The following UNC13C variants were observed in gnomAD, a reference collection of about 807,000 sequenced individuals.
UNC13C encodes the protein protein unc-13 homolog C.
UNC13C carries 174 observed loss-of-function variants against 245.4 expected under a neutral mutation model. That is an observed-to-expected ratio of 0.71 (90% CI 0.63 to 0.80). UNC13C has a LOEUF of 0.80. UNC13C is among the 30% of genes least tolerant of loss of function. The probability of loss-of-function intolerance (pLI) is 0.00; values close to 1 mark genes in which losing one functional copy is unlikely to be tolerated. For missense variants in UNC13C, 2,829 were observed against 2,602.9 expected (o/e 1.09, Z -1.89); for synonymous variants, 992 against 895.1 (o/e 1.11, Z -1.93).
chr15:54,011,617 G>T (rs1396861842), intron 1 of UNC13C, among the ~76,000 whole-genome samples: 1 of 152,176 alleles, frequency 6.6e-6, no homozygotes, highest in African/African-American at 2.4e-5. Context: ...GTAGAAAATA[G>T]GTCCTGGTTT....
chr15:54,525,750 C>A, intron 25 of UNC13C, 113 bp downstream of exon 25: 1 of 846,418 alleles, frequency 1.2e-6, no homozygotes, highest in Non-Finnish European at 1.9e-6. Context: ...ACTTCAAGAC[C>A]CAATCTAAAT....
intron 2 of UNC13C, among the ~76,000 whole-genome samples, chr15:54,083,483 G>A (rs1448214269): frequency 3.3e-5 from 5 of 152,118 alleles, no homozygotes; most frequent in Admixed American, 1.3e-4. Flanking sequence ...CACTTTCTGC[G>A]CCAAGAAAAA....
chr15:54,623,885 A>G lies in UNC13C; in HGVS notation c.6290A>G (p.Lys2097Arg). 6.2e-7 allele frequency: 1 copy of G among 1,613,340 alleles called. No homozygotes were observed. Among genetic ancestry groups the G allele is most frequent in the Non-Finnish European group, 8.5e-7 (1 of 1,179,510 alleles). Reference sequence around the variant, plus strand: ...ATACTGGGACCCAACCTTGGAGACAAGAAGAGAAAACAAGGCACAAAAACA... The same window carrying G: ...ATACTGGGACCCAACCTTGGAGACAGGAAGAGAAAACAAGGCACAAAAACA... Reference protein sequence around the residue: ...VCILGPNLGDKKRKQGTKTKS... With the variant: ...VCILGPNLGDRKRKQGTKTKS... The change falls in exon 32 of 33, where the codon AAG becomes AGG. Residue 2097 changes from lysine to arginine, a missense_variant. Lys to Arg is a conservative substitution (Grantham distance 26). Coordinates refer to ENST00000260323, the MANE Select transcript of UNC13C (RefSeq NM_001080534.3).
intron 7 of UNC13C, among the ~76,000 whole-genome samples, chr15:54,249,555 G>C (rs1252889392): frequency 3.9e-5 from 6 of 152,176 alleles, no homozygotes; most frequent in Non-Finnish European, 7.4e-5. Context: ...ATATCATGTA[G>C]TTGGGCCTAG....
chr15:54,584,739 A>G (rs1465732315), intron 30 of UNC13C, among the ~76,000 whole-genome samples: 1 of 152,252 alleles, frequency 6.6e-6, no homozygotes, highest in Non-Finnish European at 1.5e-5. Context: ...TGCAGAGCAC[A>G]CCTGTAATAT....
chr15:54,057,727 A>C (rs1156991255), intron 2 of UNC13C, among the ~76,000 whole-genome samples: 2 of 152,206 alleles, frequency 1.3e-5, no homozygotes, highest in Non-Finnish European at 2.9e-5. Context: ...CACTCCTCAG[A>C]AAATGTAAAA....
At chr15:54,357,789 C>T (rs955476289) in intron 17 of UNC13C, among the ~76,000 whole-genome samples, 3 of 151,910 alleles carry the variant, frequency 2.0e-5, no homozygotes, top group African/African-American at 7.3e-5. Flanking sequence ...ATTTCCCTTG[C>T]TCTTGGAGTA....
chr15:53,978,121 T>G (rs1335734090), upstream of UNC13C, among the ~76,000 whole-genome samples: 1 of 152,232 alleles, frequency 6.6e-6, no homozygotes, highest in Non-Finnish European at 1.5e-5. Flanking sequence ...TTGAATAACA[T>G]GGGTAATTTA....
At chr15:54,130,552 A>G (rs2031351611) in intron 2 of UNC13C, among the ~76,000 whole-genome samples, 1 of 152,132 alleles carries the variant, frequency 6.6e-6, no homozygotes, top group Admixed American at 6.5e-5. Flanking sequence ...TCGGCCTCCC[A>G]AAGTGCTAGG....
intron 1 of UNC13C, among the ~76,000 whole-genome samples, chr15:53,994,822 G>A (rs1894545682): frequency 6.6e-6 from 1 of 151,978 alleles, no homozygotes; most frequent in South Asian, 2.1e-4. Flanking sequence ...AATATTTTTA[G>A]TATTTTTAAA....
At chr15:54,164,790 T>C (rs1173062002) in intron 4 of UNC13C, among the ~76,000 whole-genome samples, 1 of 152,216 alleles carries the variant, frequency 6.6e-6, no homozygotes, top group Non-Finnish European at 1.5e-5. Context: ...AGGACAGTTC[T>C]ATGGCTTCTA....
chr15:54,532,771 T>C (rs1895813114), intron 25 of UNC13C, 146 bp from the exon 26 acceptor site: 1 of 553,606 alleles, frequency 1.8e-6, no homozygotes, highest in Non-Finnish European at 3.2e-6. Flanking sequence ...GGAACAAAAA[T>C]TTTTGCAGTT....
At chr15:53,839,232 C>G in the UNC13C span, among the ~76,000 whole-genome samples, 1 of 152,006 alleles carries the variant, frequency 6.6e-6, no homozygotes, top group Non-Finnish European at 1.5e-5. Context: ...CCAATTAGGA[C>G]TCATATCTGT....
chr15:53,872,646 A>G, the UNC13C span, among the ~76,000 whole-genome samples: 6 of 152,256 alleles, frequency 3.9e-5, no homozygotes, highest in East Asian at 7.8e-4. Context: ...GTGTCTTACA[A>G]TCTACCCACA....
chr15:54,431,675 T>C (rs1328694508), intron 19 of UNC13C, among the ~76,000 whole-genome samples: 5 of 151,724 alleles, frequency 3.3e-5, no homozygotes, highest in Non-Finnish European at 7.4e-5. Flanking sequence ...CACATTACTT[T>C]CTTTGGTAAA....
At chr15:54,206,728 C>G (rs1380023646) in intron 4 of UNC13C, among the ~76,000 whole-genome samples, 1 of 152,038 alleles carries the variant, frequency 6.6e-6, no homozygotes, top group Non-Finnish European at 1.5e-5. Flanking sequence ...AAAATGGGAG[C>G]CTCATCGCAC....
At chr15:53,963,200 C>T in the UNC13C span, among the ~76,000 whole-genome samples, 9 of 152,166 alleles carry the variant, frequency 5.9e-5, no homozygotes, top group African/African-American at 1.9e-4. Context: ...AAACTCTCCC[C>T]CACTTACACT....
intron 1 of UNC13C, among the ~76,000 whole-genome samples, chr15:54,010,325 A>C (rs559824206): frequency 3.9e-5 from 6 of 152,342 alleles, no homozygotes; most frequent in African/African-American, 1.4e-4. Flanking sequence ...TAAAATATTT[A>C]ACGTAAATAA....
At chr15:54,569,246 C>A (rs971236006) in intron 30 of UNC13C, among the ~76,000 whole-genome samples, 1 of 152,062 alleles carries the variant, frequency 6.6e-6, no homozygotes, top group Non-Finnish European at 1.5e-5. Context: ...AGACAGTCAT[C>A]CCTCGGTATC....
Sources: allele counts gnomAD v4.1 joint callset (sites outside exome capture counted in the v4.1 genomes callset), GRCh38; gene constraint gnomAD v4.1.1; transcripts MANE v1.5; gene names NCBI Gene and HGNC (gene_info 2026-07-23, HGNC 2026-07-21).